Variants in DSCAM observed in about 807,000 individuals in gnomAD.
DSCAM encodes the protein cell adhesion molecule DSCAM.
A neutral mutation model predicts 217.7 loss-of-function variants in DSCAM; 47 were observed. The observed-to-expected ratio is 0.22, with a 90% CI of 0.17 to 0.28. DSCAM has a LOEUF of 0.28. Among genes scored for constraint, DSCAM ranks in the 10% least tolerant of loss-of-function variants. DSCAM has a pLI of 1.00. For synonymous variants in DSCAM, 1,056 were observed against 1,015.3 expected, an observed-to-expected ratio of 1.04 and a Z score of -0.76; for missense variants, 2,080 against 2,618.3, an observed-to-expected ratio of 0.79 and a Z score of 4.49.
intron 3 of DSCAM, among the ~76,000 whole-genome samples, chr21:40,414,296 T>G (rs2075350309): frequency 6.6e-6 from 1 of 152,236 alleles, no homozygotes; most frequent in African/African-American, 2.4e-5. Context: ...AAAACAAAAG[T>G]CTTCTTTGCC....
chr21:40,824,402 G>GTTTTTTTTTTTTT (rs2091951995), intron 1 of DSCAM, among the ~76,000 whole-genome samples: 1 of 116,222 alleles, frequency 8.6e-6, no homozygotes, highest in Non-Finnish European at 1.7e-5. Flanking sequence ...TTTTATTATT[G>GTTTTTTTTTTTTT]ATTTTTTTTT....
chr21:40,442,894 C>A (rs560548454), intron 3 of DSCAM, among the ~76,000 whole-genome samples: 1 of 152,228 alleles, frequency 6.6e-6, no homozygotes, highest in South Asian at 2.1e-4. Flanking sequence ...CATCTGTGAA[C>A]CTTGTCTCTC....
intron 20 of DSCAM, among the ~76,000 whole-genome samples, chr21:40,101,244 A>C (rs1207208884): frequency 6.6e-6 from 1 of 152,216 alleles, no homozygotes; most frequent in African/African-American, 2.4e-5. Flanking sequence ...CTCATCTAAA[A>C]TGTGTTTAAA....
intron 20 of DSCAM, among the ~76,000 whole-genome samples, chr21:40,112,022 A>G (rs140283563): frequency 0.12 from 17,473 of 150,166 alleles, 1,136 homozygotes; most frequent in Non-Finnish European, 0.16. Flanking sequence ...CAGAAAGTTA[A>G]CAAGGATATC....
intron 20 of DSCAM, among the ~76,000 whole-genome samples, chr21:40,114,006 C>A (rs1265105539): frequency 6.6e-6 from 1 of 151,752 alleles, no homozygotes; most frequent in Non-Finnish European, 1.5e-5. Flanking sequence ...TTTATAGATT[C>A]AATGCCATCC....
intron 30 of DSCAM, among the ~76,000 whole-genome samples, chr21:40,050,256 T>C (rs2088907509): frequency 6.6e-6 from 1 of 152,218 alleles, no homozygotes; most frequent in Non-Finnish European, 1.5e-5. Flanking sequence ...GGGCATCTGC[T>C]CTGTTGTCTC....
intron 1 of DSCAM, among the ~76,000 whole-genome samples, chr21:40,737,271 A>T (rs1601192851): frequency 6.6e-6 from 1 of 152,208 alleles, no homozygotes; most frequent in African/African-American, 2.4e-5. Context: ...TATATATATA[A>T]AAAATAGAGA....
chr21:40,313,539 C>T (rs2074163418), intron 8 of DSCAM, among the ~76,000 whole-genome samples: 1 of 151,072 alleles, frequency 6.6e-6, no homozygotes, highest in Non-Finnish European at 1.5e-5. Flanking sequence ...TCAGATGAAC[C>T]ACATTTGAAC....
chr21:40,661,810 T>C (rs1042443426), intron 3 of DSCAM, among the ~76,000 whole-genome samples: 13 of 152,120 alleles, frequency 8.5e-5, no homozygotes, highest in Admixed American at 2.6e-4. Flanking sequence ...AAAAAGGCAA[T>C]ATGAGAATAG....
chr21:40,358,885 T>C (rs1252817931), intron 4 of DSCAM, among the ~76,000 whole-genome samples: 2 of 151,556 alleles, frequency 1.3e-5, no homozygotes, highest in African/African-American at 4.8e-5. Context: ...ATCATATTTC[T>C]AATAAAGAAC....
rs371468163 is a variant in DSCAM at position 40,167,307 on chromosome 21, C to A, written c.2948-19G>T. On this transcript the variant is annotated intron_variant, in intron 15 of 32. Transcript: ENST00000400454. ...TCAGGAGCTGTAAGGACCAAAAACC[C>A]ACAGGCAGGTTAGAGACGCTTTCCG... 1.9e-5 allele frequency: 31 copies of A among 1,613,316 alleles called. No individual in the cohort carries two copies. The highest frequency in any genetic ancestry group is 2.7e-5 in the African/African-American group (2 of 74,870).
chr21:40,570,618 G>A (rs991365893), intron 3 of DSCAM, among the ~76,000 whole-genome samples: 3 of 152,202 alleles, frequency 2.0e-5, no homozygotes, highest in Non-Finnish European at 4.4e-5. Context: ...TTGTAGCTGC[G>A]ATGAAGGCTC....
intron 10 of DSCAM, among the ~76,000 whole-genome samples, chr21:40,285,447 G>C (rs907125233): frequency 1.3e-5 from 2 of 152,176 alleles, no homozygotes; most frequent in African/African-American, 4.8e-5. Context: ...CTCCACCAAG[G>C]CTCAGGGTAA....
At chr21:40,621,579 A>C (rs2089518078) in intron 3 of DSCAM, among the ~76,000 whole-genome samples, 1 of 148,336 alleles carries the variant, frequency 6.7e-6, no homozygotes, top group Non-Finnish European at 1.5e-5. Context: ...CTGCTTGGGG[A>C]CCAGATGGGA....
At chr21:40,749,538 A>C (rs569617172) in intron 1 of DSCAM, among the ~76,000 whole-genome samples, 1 of 152,208 alleles carries the variant, frequency 6.6e-6, no homozygotes, top group Non-Finnish European at 1.5e-5. Flanking sequence ...CCTTCACCTT[A>C]GAATGGTTAT....
intron 11 of DSCAM, among the ~76,000 whole-genome samples, chr21:40,196,775 G>A (rs2091014258): frequency 6.6e-6 from 1 of 151,860 alleles, no homozygotes; most frequent in African/African-American, 2.4e-5. Flanking sequence ...TATGAGTGTT[G>A]ACTGTGTGCT....
chr21:40,320,799 A>T (rs2074250853), intron 8 of DSCAM, among the ~76,000 whole-genome samples: 1 of 152,148 alleles, frequency 6.6e-6, no homozygotes, highest in African/African-American at 2.4e-5. Flanking sequence ...CCCATGATTC[A>T]ATTATCTCCC....
chr21:40,276,895 G>C (rs1269997787), intron 10 of DSCAM, among the ~76,000 whole-genome samples: 2 of 152,098 alleles, frequency 1.3e-5, no homozygotes, highest in Non-Finnish European at 2.9e-5. Flanking sequence ...TCCATGCAAG[G>C]AGGGAATGGC....
At chr21:40,667,241 A>C (rs2090213619) in intron 3 of DSCAM, among the ~76,000 whole-genome samples, 1 of 152,188 alleles carries the variant, frequency 6.6e-6, no homozygotes, top group Non-Finnish European at 1.5e-5. Context: ...GGAAAAATGC[A>C]TGTTTCCCTC....
Sources: allele counts gnomAD v4.1 joint callset (sites outside exome capture counted in the v4.1 genomes callset), GRCh38; gene constraint gnomAD v4.1.1; transcripts MANE v1.5; gene names NCBI Gene and HGNC (gene_info 2026-07-23, HGNC 2026-07-21).